The following GATB variants were observed in gnomAD, a reference collection of about 807,000 sequenced individuals.
GATB encodes glutamyl-tRNA amidotransferase subunit B.
In GATB, 39 loss-of-function variants were observed where a neutral mutation model predicts 62.3. The observed-to-expected ratio is 0.63, with a 90% CI of 0.48 to 0.82. The LOEUF is 0.82. Among genes scored for constraint, GATB ranks in the 40% least tolerant of loss-of-function variants. The pLI, the probability that GATB is intolerant of heterozygous loss-of-function variation, is 0.00. For synonymous variants in GATB, 276 were observed against 258.9 expected (o/e 1.07, Z -0.63); for missense variants, 670 against 684.0 (o/e 0.98, Z 0.23).
At chr4:151,751,820 C>T (rs1739726453) in intron 2 of GATB, among the ~76,000 whole-genome samples, 1 of 152,188 alleles carries the variant, frequency 6.6e-6, no homozygotes, top group African/African-American at 2.4e-5. Flanking sequence ...CCTCTAAAGG[C>T]TAGATTATAT....
intron 5 of GATB, among the ~76,000 whole-genome samples, chr4:151,708,326 A>C (rs988809669): frequency 6.6e-6 from 1 of 152,254 alleles, no homozygotes; most frequent in African/African-American, 2.4e-5. Flanking sequence ...GTGCCTGTAC[A>C]TGTGAACATA....
intron 2 of GATB, among the ~76,000 whole-genome samples, chr4:151,731,292 T>G (rs1331222199): frequency 3.3e-5 from 5 of 152,198 alleles, no homozygotes; most frequent in African/African-American, 1.2e-4. Context: ...TTTTCGTATT[T>G]TTTTGGTGGA....
chr4:151,693,322 G>A (rs1738403976), intron 9 of GATB, among the ~76,000 whole-genome samples: 2 of 152,206 alleles, frequency 1.3e-5, no homozygotes, highest in South Asian at 2.1e-4. Context: ...TGGGGCGGTG[G>A]CTTGGGTGGG....
chr4:151,693,738 G>GC (rs1738415655), intron 9 of GATB, among the ~76,000 whole-genome samples: 5 of 152,250 alleles, frequency 3.3e-5, no homozygotes, highest in African/African-American at 7.2e-5. Flanking sequence ...CAAAACTTTG[G>GC]CCCCAACCAT....
intron 10 of GATB, among the ~76,000 whole-genome samples, chr4:151,686,656 C>CGG (rs756249172): frequency 8.2e-6 from 1 of 122,652 alleles, no homozygotes; most frequent in African/African-American, 3.0e-5. Context: ...CGCCCCGCCC[C>CGG]CCCCCCACCC....
At chr4:151,735,450 G>A (rs1262292615) in intron 2 of GATB, among the ~76,000 whole-genome samples, 1 of 151,952 alleles carries the variant, frequency 6.6e-6, no homozygotes. Context: ...AGTAGATGTT[G>A]GCCTGGATGC....
At chr4:151,695,834 TAC>T (rs1195467004) in intron 9 of GATB, among the ~76,000 whole-genome samples, 1 of 152,038 alleles carries the variant, frequency 6.6e-6, no homozygotes, top group African/African-American at 2.4e-5. Context: ...CACAGCTCGC[TAC>T]AGCCTTGAAT....
At chr4:151,694,381 A>C (rs1156693850) in intron 9 of GATB, among the ~76,000 whole-genome samples, 1 of 152,176 alleles carries the variant, frequency 6.6e-6, no homozygotes. Context: ...AGCCCAGAGC[A>C]TCTTCCCCTC....
chr4:151,753,793 A>G (rs975261554), intron 2 of GATB, among the ~76,000 whole-genome samples: 1 of 152,202 alleles, frequency 6.6e-6, no homozygotes, highest in African/African-American at 2.4e-5. Flanking sequence ...AGTCTCTCCA[A>G]TATTAAGAAA....
intron 2 of GATB, among the ~76,000 whole-genome samples, chr4:151,736,569 T>C (rs932840318): frequency 1.3e-5 from 2 of 152,242 alleles, no homozygotes; most frequent in African/African-American, 4.8e-5. Flanking sequence ...GTCAGGATAG[T>C]ATGATGTAAG....
At chr4:151,711,832 C>A (rs552417756) in intron 5 of GATB, among the ~76,000 whole-genome samples, 1 of 152,182 alleles carries the variant, frequency 6.6e-6, no homozygotes, top group Non-Finnish European at 1.5e-5. Flanking sequence ...AATGCCAGAA[C>A]GCTGGCATTT....
At chr4:151,714,777 T>G (rs1738882474) in intron 5 of GATB, among the ~76,000 whole-genome samples, 1 of 152,236 alleles carries the variant, frequency 6.6e-6, no homozygotes, top group South Asian at 2.1e-4. Flanking sequence ...CTTGCCCACA[T>G]TTCATTTATG....
At chr4:151,700,958 G>A (rs1050496305) in intron 9 of GATB, among the ~76,000 whole-genome samples, 3 of 152,134 alleles carry the variant, frequency 2.0e-5, no homozygotes, top group East Asian at 1.9e-4. Context: ...GCTCGATACC[G>A]CTAGACATCC....
At position 151,688,177 on chromosome 4, in the gene GATB, C is replaced by T. The variant is rs1267048449; in HGVS notation, c.1331+453G>A. 2.6e-5 allele frequency among the ~76,000 whole-genome samples: 4 copies of T among 152,130 alleles called. No individual in the cohort carries two copies. In the East Asian group the frequency reaches 5.8e-4, roughly 22 times the overall value. On this transcript the variant is annotated intron_variant, in intron 10 of 12. Coordinates refer to ENST00000263985, the MANE Select transcript of GATB (RefSeq NM_004564.3). ...GTGATCTGTCCCTCCCACTGCAGAGCGACTCTCCCCTAATGCTTCAGGGCA... is the reference window on the plus strand; with the variant it reads ...GTGATCTGTCCCTCCCACTGCAGAGTGACTCTCCCCTAATGCTTCAGGGCA...
At chr4:151,727,221 C>G (rs1301062285) in intron 2 of GATB, among the ~76,000 whole-genome samples, 2 of 152,224 alleles carry the variant, frequency 1.3e-5, no homozygotes, top group Non-Finnish European at 2.9e-5. Context: ...ATGCCCGGCC[C>G]TTTATTGCTT....
intron 2 of GATB, among the ~76,000 whole-genome samples, chr4:151,757,757 G>A (rs951012275): frequency 2.0e-5 from 3 of 151,970 alleles, no homozygotes; most frequent in East Asian, 1.9e-4. Flanking sequence ...GATTACAGGC[G>A]TGAGCCACCG....
chr4:151,716,194 G>A (rs1297569875), intron 4 of GATB, 63 bp from the exon 5 acceptor site: 9 of 1,553,498 alleles, frequency 5.8e-6, no homozygotes, highest in Admixed American at 3.7e-5. Context: ...AGAAAAATTA[G>A]GCCTAAGTTT....
intron 2 of GATB, among the ~76,000 whole-genome samples, chr4:151,724,644 C>T (rs1299192718): frequency 6.6e-6 from 1 of 152,024 alleles, no homozygotes; most frequent in Admixed American, 6.5e-5. Context: ...GCTGGGAATG[C>T]CCTTCTTCCT....
At chr4:151,721,316 T>A (rs1275818308) in intron 2 of GATB, 1 of 152,216 alleles carries the variant, frequency 6.6e-6, no homozygotes, top group Non-Finnish European at 1.5e-5. Context: ...CCCTTATTTT[T>A]CAGGACTCAG....
Sources: gnomAD v4.1 joint callset for allele counts (sites outside exome capture counted in the v4.1 genomes callset) on GRCh38, gnomAD v4.1.1 for gene constraint, MANE v1.5 for transcripts, NCBI Gene and HGNC (gene_info 2026-07-23, HGNC 2026-07-21) for gene names.